The following RABGAP1L variants were observed in gnomAD, a reference collection of about 807,000 sequenced individuals.
The protein encoded by RABGAP1L is RAB GTPase activating protein 1 like, also known as rab GTPase-activating protein 1-like.
In RABGAP1L, 63 loss-of-function variants were observed where a neutral mutation model predicts 137.7. That is an observed-to-expected ratio of 0.46 (90% CI 0.37 to 0.56). RABGAP1L has a LOEUF of 0.56. RABGAP1L is among the 20% of genes least tolerant of loss of function. The probability of loss-of-function intolerance (pLI) is 0.00; values close to 1 mark genes in which losing one functional copy is unlikely to be tolerated. For missense variants in RABGAP1L, 1,095 were observed against 1,244.0 expected (o/e 0.88, Z 1.80); for synonymous variants, 431 against 433.7 (o/e 0.99, Z 0.08).
At chr1:174,572,845 T>C (rs541413480) in intron 13 of RABGAP1L, among the ~76,000 whole-genome samples, 32 of 152,348 alleles carry the variant, frequency 2.1e-4, no homozygotes, top group Middle Eastern at 3.4e-3. Context: ...AAAGATCTTA[T>C]ACCTTTGAGT....
At chr1:174,846,437 C>T (rs1444988752) in intron 19 of RABGAP1L, among the ~76,000 whole-genome samples, 2 of 150,566 alleles carry the variant, frequency 1.3e-5, no homozygotes, top group South Asian at 2.2e-4. Flanking sequence ...TCTTTGTTCT[C>T]GTTGGTTTCA....
chr1:174,171,983 A>G (rs1665432263), intron 1 of RABGAP1L, among the ~76,000 whole-genome samples: 1 of 152,204 alleles, frequency 6.6e-6, no homozygotes, highest in Admixed American at 6.5e-5. Flanking sequence ...CCTGGGCGAC[A>G]GAGTGAGACT....
intron 11 of RABGAP1L, among the ~76,000 whole-genome samples, chr1:174,359,402 G>A (rs1259891739): frequency 5.9e-5 from 9 of 152,204 alleles, no homozygotes; most frequent in Non-Finnish European, 1.3e-4. Context: ...TTTCTTCAGA[G>A]AGGAAGATAG....
intron 13 of RABGAP1L, among the ~76,000 whole-genome samples, chr1:174,533,757 G>A (rs1256514503): frequency 6.6e-6 from 1 of 151,884 alleles, no homozygotes; most frequent in Non-Finnish European, 1.5e-5. Context: ...TGCAACCTCC[G>A]CCTCCTGAGT....
intron 14 of RABGAP1L, among the ~76,000 whole-genome samples, chr1:174,672,457 A>C (rs1310409653): frequency 2.7e-5 from 4 of 150,484 alleles, no homozygotes; most frequent in Non-Finnish European, 1.5e-5. Context: ...TTTACTTTCC[A>C]TTCCATTTAT....
chr1:174,699,972 A>G (rs1216867995), intron 16 of RABGAP1L, among the ~76,000 whole-genome samples: 1 of 152,198 alleles, frequency 6.6e-6, no homozygotes, highest in Non-Finnish European at 1.5e-5. Flanking sequence ...AAAAATTGAA[A>G]TACCTAAGAG....
At chr1:174,524,200 TG>T (rs1335752359) in intron 13 of RABGAP1L, among the ~76,000 whole-genome samples, 17 of 150,638 alleles carry the variant, frequency 1.1e-4, no homozygotes, top group Admixed American at 2.0e-4. Flanking sequence ...TTGTTGTTGT[TG>T]TTGTTGTTTT....
chr1:174,368,088 G>C (rs1290423967), intron 11 of RABGAP1L: 2 of 152,344 alleles, frequency 1.3e-5, no homozygotes, highest in African/African-American at 4.8e-5. Flanking sequence ...GCCAGAGTTG[G>C]AGGCCTGCCA....
At chr1:174,214,307 A>G (rs1669121779) in intron 1 of RABGAP1L, among the ~76,000 whole-genome samples, 1 of 152,152 alleles carries the variant, frequency 6.6e-6, no homozygotes, top group Non-Finnish European at 1.5e-5. Flanking sequence ...CACAATGAAA[A>G]CCATAAAACA....
chr1:174,661,651 A>G (rs187130885), intron 14 of RABGAP1L, among the ~76,000 whole-genome samples: 4 of 152,352 alleles, frequency 2.6e-5, no homozygotes, highest in African/African-American at 7.2e-5. Context: ...TAATGCAGCA[A>G]TAAACTCTTT....
intron 19 of RABGAP1L, among the ~76,000 whole-genome samples, chr1:174,833,345 G>A (rs562190558): frequency 6.8e-6 from 1 of 147,036 alleles, no homozygotes; most frequent in East Asian, 2.0e-4. Context: ...GACTACAGGC[G>A]CATGCCACCA....
Position 174,993,688 on chromosome 1 carries a change from ACCTG to A in RABGAP1L, c.*3692_*3695del, listed in dbSNP as rs1424626280. On this transcript the variant is annotated 3_prime_UTR_variant, in exon 26 of 26. Transcript: ENST00000681986. Reference sequence around the variant, plus strand: ...CAACCTTTGCATCAAACACTTAGGTACCTGCCTGATTAGGGGGGCCCCTTTAAGG... The same window carrying A: ...CAACCTTTGCATCAAACACTTAGGTACCTGATTAGGGGGGCCCCTTTAAGG... The A allele has an allele frequency of 1.3e-5, 2 of 152,232 alleles. No individual in the cohort carries two copies. The highest frequency in any genetic ancestry group is 2.9e-5 in the Non-Finnish European group (2 of 68,040). 9.4% of individuals were successfully genotyped at this position (152,232 alleles called of 1,614,324 possible).
At position 174,521,092 on chromosome 1, in the gene RABGAP1L, A is replaced by G. The variant is rs184597269; in HGVS notation, c.1711-116283A>G. Among the ~76,000 whole-genome samples the G allele has an allele frequency of 1.2e-3, 177 of 152,352 alleles. 1 individual carries two copies. The highest frequency in any genetic ancestry group is 4.2e-3 in the African/African-American group (173 of 41,592). The stretch of plus-strand genomic sequence containing the variant: ...AGGTGGTTCATGTAATCTGAAATAT[A>G]GCAGTGAGTTATGATAGTGGCTAAT... On this transcript the variant is annotated intron_variant, in intron 13 of 25. Coordinates refer to ENST00000681986, the MANE Select transcript of RABGAP1L (RefSeq NM_001366446.1).
At chr1:174,845,083 G>A (rs1693907389) in intron 19 of RABGAP1L, among the ~76,000 whole-genome samples, 1 of 149,864 alleles carries the variant, frequency 6.7e-6, no homozygotes, top group Non-Finnish European at 1.5e-5. Flanking sequence ...TTTGTATCCT[G>A]AGACTTTGCT....
chr1:174,865,293 A>G (rs1158795261), intron 19 of RABGAP1L, among the ~76,000 whole-genome samples: 1 of 152,192 alleles, frequency 6.6e-6, no homozygotes, highest in Non-Finnish European at 1.5e-5. Context: ...GTGAGCCGAG[A>G]TGGTGCCACT....
chr1:174,423,583 G>A (rs1462031342), intron 13 of RABGAP1L, among the ~76,000 whole-genome samples: 1 of 151,940 alleles, frequency 6.6e-6, no homozygotes, highest in Non-Finnish European at 1.5e-5. Context: ...GGGCCAAAAG[G>A]GCTATTTACA....
intron 19 of RABGAP1L, among the ~76,000 whole-genome samples, chr1:174,918,060 G>A (rs1661170812): frequency 6.6e-6 from 1 of 152,034 alleles, no homozygotes; most frequent in African/African-American, 2.4e-5. Context: ...ACAGAAAGCA[G>A]AGTCTTCTCA....
intron 4 of RABGAP1L, among the ~76,000 whole-genome samples, chr1:174,238,580 G>A (rs1322273512): frequency 1.3e-5 from 2 of 151,530 alleles, no homozygotes; most frequent in Admixed American, 1.3e-4. Flanking sequence ...TAGGCTGCTC[G>A]GGGGTCAGGG....
chr1:174,841,859 T>C (rs1208632520), intron 19 of RABGAP1L, among the ~76,000 whole-genome samples: 1 of 150,018 alleles, frequency 6.7e-6, no homozygotes, highest in East Asian at 1.9e-4. Flanking sequence ...AGAATAACTT[T>C]CTTTTTTTTT....
Sources: gnomAD v4.1 joint callset for allele counts (sites outside exome capture counted in the v4.1 genomes callset) on GRCh38, gnomAD v4.1.1 for gene constraint, MANE v1.5 for transcripts, NCBI Gene and HGNC (gene_info 2026-07-23, HGNC 2026-07-21) for gene names.